Variants in PDE7B observed in about 807,000 individuals in gnomAD.
The protein encoded by PDE7B is phosphodiesterase 7B.
A neutral mutation model predicts 56.2 loss-of-function variants in PDE7B; 29 were observed. That is an observed-to-expected ratio of 0.52 (90% CI 0.38 to 0.70). The LOEUF (loss-of-function observed/expected upper bound fraction) is 0.70. Among genes scored for constraint, PDE7B ranks in the 30% least tolerant of loss-of-function variants. The probability of loss-of-function intolerance (pLI) is 0.00; values close to 1 mark genes in which losing one functional copy is unlikely to be tolerated. For missense variants in PDE7B, 490 were observed against 565.0 expected (o/e 0.87, Z 1.35); for synonymous variants, 197 against 196.9 (o/e 1.00, Z 0.00).
chr6:136,124,978 A>G (rs1777997485), intron 3 of PDE7B, among the ~76,000 whole-genome samples: 1 of 152,214 alleles, frequency 6.6e-6, no homozygotes. Flanking sequence ...TTGTGATAAA[A>G]CAAATATTTA....
Position 135,924,675 on chromosome 6 carries a change from C to CT in PDE7B, c.22-22776dup, listed in dbSNP as rs11356421. ...GTCACCTCTAAGTATTTTTGTTTTT[C>CT]TTTTTTTTTTTTTGAGTGGCAGAAT... is the stretch of plus-strand genomic sequence containing the variant. On this transcript the variant is annotated intron_variant, in intron 1 of 12. Transcript: ENST00000308191. Among the ~76,000 whole-genome samples, 766 of 82,680 alleles carry CT rather than the reference C, an allele frequency of 9.3e-3. 6 individuals carry two copies. The highest frequency in any genetic ancestry group is 0.019 in the Middle Eastern group (3 of 162). The allele number at this position is 82,680 out of a possible 152,430, so 54.2% of individuals were successfully genotyped here. A position where few individuals can be genotyped will look rare whatever the true frequency, so the allele number is the denominator to read the frequency against.
At position 136,022,718 on chromosome 6, in the gene PDE7B, A is replaced by G. The variant is rs147970069; in HGVS notation, c.82+75194A>G. 2.3e-3 allele frequency among the ~76,000 whole-genome samples: 347 copies of G among 152,290 alleles called. 1 individual carries two copies. The highest frequency in any genetic ancestry group is 0.01 in the Middle Eastern group (3 of 294). On this transcript the variant is annotated intron_variant, in intron 2 of 12. Coordinates refer to ENST00000308191, the MANE Select transcript of PDE7B (RefSeq NM_018945.4). ...AAGTGGGAGCCATTGCCCTTCAGCTATCAGAAGGCTGGCCCTGCCCCAGAA... is the reference window on the plus strand; with the variant it reads ...AAGTGGGAGCCATTGCCCTTCAGCTGTCAGAAGGCTGGCCCTGCCCCAGAA...
At chr6:136,156,496 T>C (rs1015517442) in intron 8 of PDE7B, among the ~76,000 whole-genome samples, 10 of 152,106 alleles carry the variant, frequency 6.6e-5, no homozygotes, top group African/African-American at 2.4e-4. Flanking sequence ...AGGCATGAGC[T>C]ACCATGCCCG....
At chr6:135,928,891 G>C (rs2128196688) in intron 1 of PDE7B, among the ~76,000 whole-genome samples, 1 of 152,158 alleles carries the variant, frequency 6.6e-6, no homozygotes, top group Non-Finnish European at 1.5e-5. Context: ...AGGATCATTA[G>C]TACACCAAAC....
At chr6:136,092,056 TG>T (rs1777396439) in intron 2 of PDE7B, among the ~76,000 whole-genome samples, 1 of 152,238 alleles carries the variant, frequency 6.6e-6, no homozygotes, top group Non-Finnish European at 1.5e-5. Context: ...ATTATCATCC[TG>T]TAGCATAAAA....
intron 2 of PDE7B, among the ~76,000 whole-genome samples, chr6:135,979,069 G>A (rs1488033711): frequency 6.6e-6 from 1 of 151,896 alleles, no homozygotes; most frequent in Non-Finnish European, 1.5e-5. Flanking sequence ...CTAATTTATT[G>A]AGAGTTTTTA....
At position 136,147,458 on chromosome 6, in the gene PDE7B, G is replaced by A. The variant is rs754776704; in HGVS notation, c.274G>A (p.Ala92Thr). ...SRLLRGIIPQAPLHLLDEDYL... is the reference protein window; with the variant it reads ...SRLLRGIIPQTPLHLLDEDYL... ...GCTGCTTCGTGGAATTATACCACAAGCCCCTCTGCACCTGCTGGATGAAGA... is the reference window on the plus strand; with the variant it reads ...GCTGCTTCGTGGAATTATACCACAAACCCCTCTGCACCTGCTGGATGAAGA... Residue 92 changes from alanine to threonine, a missense_variant, in exon 4 of 13, where the codon GCC (alanine) becomes ACC (threonine). Physicochemically the swap from Ala to Thr is moderately conservative, Grantham distance 58. Transcript: ENST00000308191. The A allele has an allele frequency of 1.5e-5, 25 of 1,613,712 alleles. No homozygotes were observed. The highest frequency in any genetic ancestry group is 3.3e-5 in the Admixed American group (2 of 59,976).
chr6:136,063,177 AGTAAATATGG>A (rs1776872279), intron 2 of PDE7B, among the ~76,000 whole-genome samples: 1 of 152,226 alleles, frequency 6.6e-6, no homozygotes, highest in African/African-American at 2.4e-5. Context: ...CTGAGTCTCA[AGTAAATATGG>A]GTAAATATTA....
chr6:135,997,270 C>T (rs1243821330), intron 2 of PDE7B, among the ~76,000 whole-genome samples: 1 of 151,324 alleles, frequency 6.6e-6, no homozygotes, highest in Non-Finnish European at 1.5e-5. Context: ...AAAAATTAGC[C>T]AGGTGTGGTG....
chr6:136,155,029 G>A (rs1375537941), intron 7 of PDE7B, among the ~76,000 whole-genome samples: 1 of 152,132 alleles, frequency 6.6e-6, no homozygotes, highest in Non-Finnish European at 1.5e-5. Context: ...ATTGTACTAT[G>A]TCATACAGTT....
At chr6:136,089,240 A>G (rs1313048115) in intron 2 of PDE7B, among the ~76,000 whole-genome samples, 1 of 152,200 alleles carries the variant, frequency 6.6e-6, no homozygotes, top group Admixed American at 6.5e-5. Context: ...CTCTGGATAA[A>G]AAGAGGAGAC....
intron 2 of PDE7B, among the ~76,000 whole-genome samples, chr6:136,017,275 C>T (rs893885361): frequency 2.0e-5 from 3 of 152,054 alleles, no homozygotes; most frequent in African/African-American, 7.2e-5. Context: ...AATAAAACAC[C>T]TCTTCTATTG....
chr6:136,073,077 C>T (rs952789579), intron 2 of PDE7B, among the ~76,000 whole-genome samples: 2 of 152,050 alleles, frequency 1.3e-5, no homozygotes, highest in East Asian at 1.9e-4. Context: ...GGCCTGCTCT[C>T]GGGGCTAAGG....
At chr6:136,038,235 G>C (rs762649077) in intron 2 of PDE7B, 15 of 1,298,978 alleles carry the variant, frequency 1.2e-5, no homozygotes, top group Non-Finnish European at 1.5e-5. Context: ...AGCAACAGCA[G>C]CAGCAGCAGC....
chr6:136,016,737 A>C (rs544593353), intron 2 of PDE7B, among the ~76,000 whole-genome samples: 1 of 152,308 alleles, frequency 6.6e-6, no homozygotes, highest in African/African-American at 2.4e-5. Flanking sequence ...CTGCAACAGA[A>C]CTGGAAAGGC....
chr6:136,118,837 A>C (rs1171857781), intron 3 of PDE7B, among the ~76,000 whole-genome samples: 2 of 152,194 alleles, frequency 1.3e-5, no homozygotes, highest in African/African-American at 4.8e-5. Flanking sequence ...CTTCAGTATC[A>C]TTGAACAAAT....
intron 2 of PDE7B, among the ~76,000 whole-genome samples, chr6:135,957,264 T>TAC (rs1468339435): frequency 3.9e-5 from 6 of 151,996 alleles, no homozygotes; most frequent in African/African-American, 1.4e-4. Context: ...AATGCAAGCA[T>TAC]ACAGAACTAG....
At chr6:135,889,535 G>A (rs1775771116) in intron 1 of PDE7B, among the ~76,000 whole-genome samples, 1 of 149,724 alleles carries the variant, frequency 6.7e-6, no homozygotes, top group Admixed American at 6.7e-5. Context: ...CCACCTCCTG[G>A]GTTCAAGTGA....
chr6:135,877,671 C>A (rs994487004), intron 1 of PDE7B, among the ~76,000 whole-genome samples: 1 of 151,146 alleles, frequency 6.6e-6, no homozygotes, highest in Non-Finnish European at 1.5e-5. Context: ...AGATTTGGTT[C>A]GCTCAGAAGC....
Sources: allele counts gnomAD v4.1 joint callset (sites outside exome capture counted in the v4.1 genomes callset), GRCh38; gene constraint gnomAD v4.1.1; transcripts MANE v1.5; gene names NCBI Gene and HGNC (gene_info 2026-07-23, HGNC 2026-07-21).